The following RB1 variants were observed in gnomAD, a reference collection of about 807,000 sequenced individuals.
The protein encoded by RB1 is retinoblastoma-associated protein.
A neutral mutation model predicts 135.4 loss-of-function variants in RB1; 18 were observed. That is an observed-to-expected ratio of 0.13 (90% CI 0.09 to 0.20). The LOEUF (loss-of-function observed/expected upper bound fraction) is 0.20, where lower values mean the gene tolerates loss of function less well. Among genes scored for constraint, RB1 ranks in the 10% least tolerant of loss-of-function variants. The pLI, the probability that RB1 is intolerant of heterozygous loss-of-function variation, is 1.00. For synonymous variants in RB1, 365 were observed against 373.2 expected, an observed-to-expected ratio of 0.98 and a Z score of 0.25; for missense variants, 868 against 1,110.0, an observed-to-expected ratio of 0.78 and a Z score of 3.10.
chr13:48,367,672 T>C, intron 10 of RB1, 69 bp downstream of exon 10: 1 of 1,537,662 alleles, frequency 6.5e-7, no homozygotes, highest in Non-Finnish European at 8.8e-7. Context: ...GTAGATTATA[T>C]AGTCTTTAGC....
At chr13:48,352,734 A>G (rs927194766) in intron 6 of RB1, among the ~76,000 whole-genome samples, 2 of 152,154 alleles carry the variant, frequency 1.3e-5, no homozygotes, top group African/African-American at 4.8e-5. Flanking sequence ...GTTGTTGATC[A>G]GCTGAAGGAG....
chr13:48,419,455 C>G (rs750933048), intron 17 of RB1, among the ~76,000 whole-genome samples: 2 of 151,810 alleles, frequency 1.3e-5, no homozygotes, highest in Admixed American at 1.3e-4. Flanking sequence ...AAATTGACAC[C>G]CTAACATCAC....
chr13:48,461,375 T>C (rs1179284878), intron 20 of RB1, among the ~76,000 whole-genome samples: 1 of 152,220 alleles, frequency 6.6e-6, no homozygotes, highest in African/African-American at 2.4e-5. Context: ...AATATTCCAT[T>C]GTATGGATAT....
At chr13:48,331,955 T>A (rs1484737797) in intron 2 of RB1, among the ~76,000 whole-genome samples, 2 of 152,200 alleles carry the variant, frequency 1.3e-5, no homozygotes, top group African/African-American at 4.8e-5. Flanking sequence ...AAGTTAAAAT[T>A]GCATTAAGAT....
chr13:48,442,600 T>A (rs1361048346), intron 17 of RB1, among the ~76,000 whole-genome samples: 2 of 152,166 alleles, frequency 1.3e-5, no homozygotes, highest in Non-Finnish European at 2.9e-5. Flanking sequence ...AGGAAGACCC[T>A]CACTGAATTG....
intron 17 of RB1, among the ~76,000 whole-genome samples, chr13:48,450,415 G>A (rs116942581): frequency 0.025 from 3,826 of 152,216 alleles, 69 homozygotes; most frequent in Middle Eastern, 0.078. Context: ...TTATTTAATA[G>A]GGAATGCTTT....
At chr13:48,347,037 A>G (rs1425099196) in intron 4 of RB1, among the ~76,000 whole-genome samples, 1 of 151,058 alleles carries the variant, frequency 6.6e-6, no homozygotes, top group African/African-American at 2.4e-5. Context: ...TTTTCCTGCT[A>G]TAGTAATTTC....
At chr13:48,369,466 A>C (rs1952736406) in intron 11 of RB1, among the ~76,000 whole-genome samples, 1 of 152,220 alleles carries the variant, frequency 6.6e-6, no homozygotes, top group Non-Finnish European at 1.5e-5. Context: ...AATTTCTCCT[A>C]GAAATGTAAA....
At position 48,317,086 on chromosome 13, in the gene RB1, C is replaced by G. The variant is rs1037713782; in HGVS notation, c.264+9680C>G. 9 of 878,964 alleles carry G rather than the reference C, an allele frequency of 1.0e-5. No individual in the cohort carries two copies. In the East Asian group the frequency reaches 3.4e-4, roughly 33 times the overall value. 54.4% of individuals were successfully genotyped at this position (878,964 alleles called of 1,614,324 possible). ...GCCTTGCTGCTTGGCCAGGGCCCGC[C>G]GTCCTTCTTCGCCAGCAAGTGTGGG... On this transcript the variant is annotated intron_variant, in intron 2 of 26. Transcript: ENST00000267163.
intron 2 of RB1, among the ~76,000 whole-genome samples, chr13:48,313,745 C>CT (rs56131979): frequency 0.033 from 3,404 of 101,952 alleles, 380 homozygotes; most frequent in East Asian, 0.12. Flanking sequence ...TATGTTTATT[C>CT]TTTTTTTTTT....
At chr13:48,425,187 T>C (rs971058934) in intron 17 of RB1, among the ~76,000 whole-genome samples, 2 of 152,230 alleles carry the variant, frequency 1.3e-5, no homozygotes, top group African/African-American at 2.4e-5. Context: ...TGATGTGTAA[T>C]GAAGGCTAGC....
chr13:48,431,204 C>T (rs1949126301), intron 17 of RB1, among the ~76,000 whole-genome samples: 1 of 152,072 alleles, frequency 6.6e-6, no homozygotes, highest in Admixed American at 6.5e-5. Flanking sequence ...TCATTTTGTC[C>T]TTAACTTAAA....
chr13:48,409,570 A>ATTTTT (rs5803435), intron 17 of RB1, among the ~76,000 whole-genome samples: 20 of 59,698 alleles, frequency 3.4e-4, no homozygotes, highest in African/African-American at 1.2e-3. Context: ...GAACTGCTTG[A>ATTTTT]TTTTTTTTTT....
In RB1 at chr13:48,360,054, A is replaced by G; in HGVS notation, c.645A>G (p.Ser215=). Residue 215 remains serine (S), a synonymous_variant, in exon 7 of 27, where the codon TCA becomes TCG. Transcript: ENST00000267163. ...AAATGGAAGATGATCTGGTGATTTCATTTCAGTTAATGCTATGTGTCCTTG... is the reference window on the plus strand; with the variant it reads ...AAATGGAAGATGATCTGGTGATTTCGTTTCAGTTAATGCTATGTGTCCTTG... ...VLQMEDDLVI[S]FQLMLCVLDY... 1 of 1,612,538 alleles carries G rather than the reference A, an allele frequency of 6.2e-7. No homozygotes were observed. The highest frequency in any genetic ancestry group is 8.5e-7 in the Non-Finnish European group (1 of 1,179,222).
intron 26 of RB1, 124 bp downstream of exon 26, chr13:48,477,528 A>G (rs113267497): frequency 7.8e-6 from 6 of 773,486 alleles, no homozygotes; most frequent in African/African-American, 3.5e-5. Context: ...CATTTAAAAT[A>G]TAATTCAATC....
intron 17 of RB1, among the ~76,000 whole-genome samples, chr13:48,409,945 C>G (rs1246781010): frequency 1.3e-5 from 2 of 151,878 alleles, no homozygotes; most frequent in Non-Finnish European, 2.9e-5. Flanking sequence ...TACTTTTTTT[C>G]TAAAGTATAC....
At chr13:48,338,236 G>A (rs112231265) in intron 2 of RB1, among the ~76,000 whole-genome samples, 1,653 of 152,228 alleles carry the variant, frequency 0.011, 31 homozygotes, top group African/African-American at 0.038. Flanking sequence ...GCCTTGCTAG[G>A]TTGGGGAAGT....
chr13:48,423,629 C>A (rs893184684), intron 17 of RB1, among the ~76,000 whole-genome samples: 1 of 151,748 alleles, frequency 6.6e-6, no homozygotes, highest in Non-Finnish European at 1.5e-5. Context: ...TTAAAAGTTT[C>A]GAAGGCCATA....
At chr13:48,353,090 GAAGAA>G (rs1483864895) in intron 6 of RB1, among the ~76,000 whole-genome samples, 1 of 151,906 alleles carries the variant, frequency 6.6e-6, no homozygotes, top group African/African-American at 2.4e-5. Flanking sequence ...AAAATTAGTA[GAAGAA>G]AAGAAAGATC....
Sources: allele counts gnomAD v4.1 joint callset (sites outside exome capture counted in the v4.1 genomes callset), GRCh38; gene constraint gnomAD v4.1.1; transcripts MANE v1.5; gene names NCBI Gene and HGNC (gene_info 2026-07-23, HGNC 2026-07-21).